SPOCK3: variants seen among roughly 807,000 people sequenced by gnomAD.
The protein encoded by SPOCK3 is SPARC (osteonectin), cwcv and kazal like domains proteoglycan 3.
SPOCK3 carries 30 observed loss-of-function variants against 56.6 expected under a neutral mutation model. The observed-to-expected ratio is 0.53, with a 90% confidence interval of 0.40 to 0.72. The LOEUF is 0.72. SPOCK3 is among the 30% of genes least tolerant of loss of function. The pLI is 0.00. For synonymous variants in SPOCK3, 196 were observed against 183.3 expected (o/e 1.07, Z -0.56); for missense variants, 527 against 530.0 (o/e 0.99, Z 0.06).
At chr4:167,202,280 T>G (rs1733593430) in intron 2 of SPOCK3, among the ~76,000 whole-genome samples, 1 of 151,986 alleles carries the variant, frequency 6.6e-6, no homozygotes, top group Non-Finnish European at 1.5e-5. Context: ...GCAACTGCAA[T>G]CTATTATTTA....
intron 4 of SPOCK3, among the ~76,000 whole-genome samples, chr4:166,917,591 G>C (rs1487746739): frequency 6.6e-6 from 1 of 152,068 alleles, no homozygotes; most frequent in Non-Finnish European, 1.5e-5. Flanking sequence ...AATTTATTTA[G>C]TTTATAACTG....
Position 167,011,862 on chromosome 4 carries a change from C to G in SPOCK3, c.236-11399G>C, listed in dbSNP as rs139602138. On this transcript the variant is annotated intron_variant, in intron 3 of 10. Transcript: ENST00000357545. ...AGTTCAGAACCAAATGTGAGGTATGCTTTTTACAACTGTGCAAAATCTTTT... is the reference window on the plus strand; with the variant it reads ...AGTTCAGAACCAAATGTGAGGTATGGTTTTTACAACTGTGCAAAATCTTTT... 1.6e-4 allele frequency among the ~76,000 whole-genome samples: 25 copies of G among 152,046 alleles called. No individual in the cohort carries two copies. In the East Asian group the frequency reaches 4.5e-3, roughly 27 times the overall value.
intron 6 of SPOCK3, among the ~76,000 whole-genome samples, chr4:166,802,080 A>G (rs1742660327): frequency 6.6e-6 from 1 of 152,164 alleles, no homozygotes; most frequent in African/African-American, 2.4e-5. Flanking sequence ...TATATCCATC[A>G]CTGTCTTGAG....
At chr4:167,029,956 T>A (rs1413090017) in intron 3 of SPOCK3, among the ~76,000 whole-genome samples, 1 of 152,076 alleles carries the variant, frequency 6.6e-6, no homozygotes, top group Non-Finnish European at 1.5e-5. Context: ...TTTATTTCTT[T>A]CTGTTTCTGT....
intron 2 of SPOCK3, among the ~76,000 whole-genome samples, chr4:167,227,849 T>A (rs936654841): frequency 1.3e-5 from 2 of 152,148 alleles, no homozygotes; most frequent in Non-Finnish European, 2.9e-5. Flanking sequence ...AAAGTCTTAC[T>A]GTCAGAGTAG....
chr4:166,928,641 G>A (rs1343734723), intron 4 of SPOCK3, among the ~76,000 whole-genome samples: 2 of 152,136 alleles, frequency 1.3e-5, no homozygotes, highest in Admixed American at 6.6e-5. Flanking sequence ...CAAACCCATA[G>A]AATGTACAAC....
At chr4:166,874,479 G>A (rs566253358) in intron 6 of SPOCK3, among the ~76,000 whole-genome samples, 8 of 152,242 alleles carry the variant, frequency 5.3e-5, no homozygotes, top group Non-Finnish European at 7.4e-5. Context: ...TAAGGACATC[G>A]TATCTGTGTA....
intron 4 of SPOCK3, among the ~76,000 whole-genome samples, chr4:166,936,327 A>G (rs72697564): frequency 1.3e-5 from 2 of 152,202 alleles, no homozygotes; most frequent in Non-Finnish European, 2.9e-5. Context: ...TTAATTTTTA[A>G]AAGTTAAAAT....
In SPOCK3 at chr4:167,116,251, T is replaced by C. The variant is rs116432937; in HGVS notation, c.190-53714A>G. ...AGAAAATTCCTTGCAATATTAATTT[T>C]AATGGCAAAAACCTGGAAACATAAT... On this transcript the variant is annotated intron_variant, in intron 2 of 10. Transcript: ENST00000357545. Among the ~76,000 whole-genome samples, 906 of 151,666 alleles carry C rather than the reference T, an allele frequency of 6.0e-3. 11 individuals are homozygous for C. The highest frequency in any genetic ancestry group is 0.02 in the African/African-American group (845 of 41,424).
At chr4:166,886,898 C>G (rs940618688) in intron 6 of SPOCK3, among the ~76,000 whole-genome samples, 4 of 152,134 alleles carry the variant, frequency 2.6e-5, no homozygotes, top group Non-Finnish European at 5.9e-5. Context: ...GTAGAAATGA[C>G]ACTCAAAATT....
At chr4:166,948,273 G>C (rs1742038034) in intron 4 of SPOCK3, among the ~76,000 whole-genome samples, 1 of 152,156 alleles carries the variant, frequency 6.6e-6, no homozygotes, top group Admixed American at 6.6e-5. Context: ...TGAACACCTA[G>C]ATTGATTCCA....
At chr4:166,840,980 G>A (rs1328229926) in intron 6 of SPOCK3, among the ~76,000 whole-genome samples, 1 of 151,212 alleles carries the variant, frequency 6.6e-6, no homozygotes, top group Non-Finnish European at 1.5e-5. Flanking sequence ...GGGTTTCACC[G>A]TGTTAGCCAG....
chr4:166,953,589 A>G (rs2150042445), intron 4 of SPOCK3, among the ~76,000 whole-genome samples: 1 of 152,296 alleles, frequency 6.6e-6, no homozygotes, highest in Middle Eastern at 3.4e-3. Flanking sequence ...TACTGGGTAT[A>G]TACCCAAAGG....
chr4:166,949,537 T>G (rs1009189449), intron 4 of SPOCK3, among the ~76,000 whole-genome samples: 3 of 152,174 alleles, frequency 2.0e-5, no homozygotes, highest in African/African-American at 4.8e-5. Flanking sequence ...GTCCTTTCTG[T>G]TCGTTAGTTT....
At chr4:166,917,487 T>C (rs1406601401) in intron 4 of SPOCK3, among the ~76,000 whole-genome samples, 4 of 152,250 alleles carry the variant, frequency 2.6e-5, no homozygotes, top group Non-Finnish European at 5.9e-5. Flanking sequence ...TTTTCTGAAA[T>C]TGGTCTTCCG....
At chr4:166,827,429 T>C (rs1745590553) in intron 6 of SPOCK3, among the ~76,000 whole-genome samples, 1 of 152,050 alleles carries the variant, frequency 6.6e-6, no homozygotes, top group Non-Finnish European at 1.5e-5. Flanking sequence ...ATGGCAGTCA[T>C]TACAATTGTT....
At chr4:167,158,680 A>G (rs1262786706) in intron 2 of SPOCK3, among the ~76,000 whole-genome samples, 2 of 152,020 alleles carry the variant, frequency 1.3e-5, no homozygotes, top group African/African-American at 4.8e-5. Context: ...ACATAGTTCA[A>G]TTCAAAGAAA....
chr4:167,139,388 C>T (rs1763356115), intron 2 of SPOCK3, among the ~76,000 whole-genome samples: 1 of 151,764 alleles, frequency 6.6e-6, no homozygotes, highest in Admixed American at 6.6e-5. Flanking sequence ...AAATATGGCC[C>T]AAATTTCTGT....
chr4:167,117,683 T>C (rs1330515463), intron 2 of SPOCK3, among the ~76,000 whole-genome samples: 1 of 151,854 alleles, frequency 6.6e-6, no homozygotes, highest in African/African-American at 2.4e-5. Context: ...TCCCAGAAGG[T>C]GAAAATCCAA....
Sources: allele counts gnomAD v4.1 joint callset (sites outside exome capture counted in the v4.1 genomes callset), GRCh38; gene constraint gnomAD v4.1.1; transcripts MANE v1.5; gene names NCBI Gene and HGNC (gene_info 2026-07-23, HGNC 2026-07-21).